ITGAE: variants seen among roughly 807,000 people sequenced by gnomAD.
The protein encoded by ITGAE is integrin subunit alpha E.
ITGAE carries 99 observed loss-of-function variants against 136.5 expected under a neutral mutation model. The ratio of observed to expected loss-of-function variants is 0.73; its 90% CI spans 0.62 to 0.86. ITGAE has a LOEUF of 0.86. Ranked by LOEUF, ITGAE falls within the 40% of genes least tolerant of loss-of-function variation. The pLI, the probability that ITGAE is intolerant of heterozygous loss-of-function variation, is 0.00. For missense variants in ITGAE, 1,447 were observed against 1,515.3 expected (o/e 0.95, Z 0.75); for synonymous variants, 613 against 591.8 (o/e 1.04, Z -0.52).
Position 3,755,224 on chromosome 17 carries a change from C to T in ITGAE, c.1277G>A (p.Trp426Ter). ...VLLGAVGAFD[W>*]SGGALLYDTR... ...GTCGTAGAGCAACGCCCCTCCGGAC[C>T]AGTCAAAGGCCCCGACGGCGCCGAG... Residue 426 changes from tryptophan (W) to a stop codon, truncating the protein, a stop_gained, in exon 12 of 31, where the codon TGG becomes TAG. Transcript: ENST00000263087. LOFTEE classifies it high-confidence loss of function. 1.9e-6 allele frequency: 3 copies of T among 1,573,676 alleles called. No homozygotes were observed. Among genetic ancestry groups the T allele is most frequent in the Non-Finnish European group, 8.6e-7 (1 of 1,165,238 alleles).
chr17:3,765,782 C>T (rs930961751), intron 2 of ITGAE, among the ~76,000 whole-genome samples: 41 of 152,290 alleles, frequency 2.7e-4, no homozygotes, highest in Middle Eastern at 3.4e-3. Flanking sequence ...GGTGCCTTCG[C>T]GGTCTGACCT....
At chr17:3,741,935 A>G (rs184336) in intron 19 of ITGAE, among the ~76,000 whole-genome samples, 35,266 of 152,014 alleles carry the variant, frequency 0.23, 6,675 homozygotes, top group African/African-American at 0.51. Context: ...AAATTAGCCG[A>G]GCATGGTGAT....
At chr17:3,731,024 T>C in intron 23 of ITGAE, 80 bp downstream of exon 23, 1 of 1,164,040 alleles carries the variant, frequency 8.6e-7, no homozygotes, top group Non-Finnish European at 1.3e-6. Context: ...AGGGGGCCGT[T>C]CCTCTCACAG....
chr17:3,728,194 C>T (rs747884175), intron 24 of ITGAE, 26 bp from the exon 25 acceptor site: 3 of 1,578,362 alleles, frequency 1.9e-6, no homozygotes, highest in Non-Finnish European at 2.6e-6. Context: ...CATGCGTCAG[C>T]CCTTGAGGAG....
At chr17:3,773,696 T>C (rs912371416) in intron 2 of ITGAE, among the ~76,000 whole-genome samples, 22 of 152,016 alleles carry the variant, frequency 1.4e-4, no homozygotes, top group African/African-American at 4.8e-4. Flanking sequence ...GCATGACTCA[T>C]TGAATCACTG....
intron 16 of ITGAE, 47 bp from the exon 17 acceptor site, chr17:3,748,099 T>C: frequency 6.3e-7 from 1 of 1,583,006 alleles, no homozygotes; most frequent in Non-Finnish European, 8.6e-7. Context: ...GCTCAGCCTC[T>C]GGGTCAGGGC....
chr17:3,752,636 A>C (rs2051899416), intron 14 of ITGAE, among the ~76,000 whole-genome samples: 1 of 152,010 alleles, frequency 6.6e-6, no homozygotes, highest in Non-Finnish European at 1.5e-5. Flanking sequence ...CATGCCTGTA[A>C]TCCCAGCTAC....
At chr17:3,724,882 C>T in intron 26 of ITGAE, 1 of 1,613,500 alleles carries the variant, frequency 6.2e-7, no homozygotes, top group Non-Finnish European at 8.5e-7. Flanking sequence ...CATCAGGAGG[C>T]CAGTGTTCCC....
intron 1 of ITGAE, among the ~76,000 whole-genome samples, chr17:3,800,404 C>A (rs1022077505): frequency 6.6e-6 from 1 of 152,188 alleles, no homozygotes; most frequent in East Asian, 1.9e-4. Context: ...CTAGGCAGGA[C>A]CACCCTGGCC....
intron 2 of ITGAE, 81 bp from the exon 3 acceptor site, chr17:3,764,041 C>T (rs1597346190): frequency 3.0e-6 from 3 of 985,386 alleles, no homozygotes; most frequent in East Asian, 2.5e-5. Context: ...CCTTCCCATT[C>T]CAGTTGCCTG....
chr17:3,753,311 G>A lies in ITGAE; in HGVS notation c.1647C>T (p.Tyr549=), dbSNP rs1423573802. 9 of 1,614,134 alleles carry A rather than the reference G, an allele frequency of 5.6e-6. No homozygotes were observed. Among genetic ancestry groups the A allele is most frequent in the East Asian group, 4.5e-5 (2 of 44,878 alleles). The part of the protein sequence containing the change: ...YHVHGEEGRV[Y]VYRLSEQDGS... ...CCACCTGCTCGCTGAGACGGTACAC[G>A]TAGACTCTGCCTTCTTCTCCATGAA... is the stretch of plus-strand genomic sequence containing the variant. Residue 549 remains tyrosine, a synonymous_variant, in exon 14 of 31, where the codon TAC becomes TAT. Coordinates refer to ENST00000263087, the MANE Select transcript of ITGAE (RefSeq NM_002208.5).
intron 1 of ITGAE, among the ~76,000 whole-genome samples, chr17:3,778,206 A>T (rs1425684223): frequency 1.3e-5 from 2 of 152,224 alleles, no homozygotes; most frequent in South Asian, 2.1e-4. Context: ...TTCCTACAGT[A>T]GAATCCTACT....
At chr17:3,793,320 G>C (rs867658471) in intron 1 of ITGAE, among the ~76,000 whole-genome samples, 1 of 151,922 alleles carries the variant, frequency 6.6e-6, no homozygotes, top group South Asian at 2.1e-4. Context: ...CAAAGTGCTG[G>C]GATTACAGGT....
chr17:3,720,863 G>A lies in ITGAE; in HGVS notation c.3238-461C>T, dbSNP rs1237918414. Among the ~76,000 whole-genome samples the A allele has an allele frequency of 4.6e-5, 7 of 151,602 alleles. 1 individual carries two copies. The East Asian group carries it at 7.8e-4, about 17-fold the overall frequency. On this transcript the variant is annotated intron_variant, in intron 28 of 30. Transcript: ENST00000263087. ...CTCCCAAAGTGCTGGGATTACAGGC[G>A]TGAGCTGCCGCGCCTGGCCTTTTCT...
chr17:3,753,990 C>G, intron 12 of ITGAE, 65 bp from the exon 13 acceptor site: 1 of 1,561,990 alleles, frequency 6.4e-7, no homozygotes, highest in Non-Finnish European at 8.7e-7. Context: ...CTCTTGGCCC[C>G]GGCACCTTCC....
intron 20 of ITGAE, among the ~76,000 whole-genome samples, chr17:3,737,778 G>A (rs965205308): frequency 1.3e-5 from 2 of 152,150 alleles, no homozygotes; most frequent in African/African-American, 4.8e-5. Context: ...GGGGATCTAT[G>A]TCCTCAGGTC....
At chr17:3,796,451 C>G (rs113501614) in intron 1 of ITGAE, among the ~76,000 whole-genome samples, 2,220 of 152,228 alleles carry the variant, frequency 0.015, 65 homozygotes, top group African/African-American at 0.051. Context: ...GGGCTTGGCA[C>G]CTCGCTTCCG....
chr17:3,759,331 A>C, intron 8 of ITGAE, 71 bp downstream of exon 8: 1 of 1,558,134 alleles, frequency 6.4e-7, no homozygotes, highest in Non-Finnish European at 8.8e-7. Context: ...CTGGCCAGCC[A>C]CTTCCTCCAT....
At position 3,750,586 on chromosome 17, in the gene ITGAE, C is replaced by A. The variant is rs576261839; in HGVS notation, c.1894-104G>T. 1.7e-5 allele frequency: 23 copies of A among 1,328,584 alleles called. No homozygotes were observed. The East Asian group carries it at 3.1e-4, about 18-fold the overall frequency. The allele number at this position is 1,328,584 out of a possible 1,614,324, so 82.3% of individuals were successfully genotyped here. A position where few individuals can be genotyped will look rare whatever the true frequency, so the allele number is the denominator to read the frequency against. On this transcript the variant is annotated intron_variant, in intron 15 of 30. Transcript: ENST00000263087. ...GATCAGCATCGCAGGCACCATCCAG[C>A]CCCAGGGAGCCCCGAGTCTAGAACC...
Sources: allele counts gnomAD v4.1 joint callset (sites outside exome capture counted in the v4.1 genomes callset), GRCh38; gene constraint gnomAD v4.1.1; transcripts MANE v1.5; gene names NCBI Gene and HGNC (gene_info 2026-07-23, HGNC 2026-07-21).